The following CNKSR1 variants were observed in gnomAD, a reference collection of about 807,000 sequenced individuals.
CNKSR1 encodes CNK homolog protein 1.
A neutral mutation model predicts 95.6 loss-of-function variants in CNKSR1; 88 were observed. The ratio of observed to expected loss-of-function variants is 0.92; its 90% confidence interval spans 0.78 to 1.10. CNKSR1 has a LOEUF of 1.10. Among genes scored for constraint, CNKSR1 ranks in the 50% least tolerant of loss-of-function variants. CNKSR1 has a pLI of 0.00. For synonymous variants in CNKSR1, 355 were observed against 369.7 expected (o/e 0.96, Z 0.46); for missense variants, 836 against 912.0 (o/e 0.92, Z 1.07).
chr1:26,185,217 AAGTG>A (rs1236721195), intron 14 of CNKSR1, 31 bp downstream of exon 14: 1 of 1,548,378 alleles, frequency 6.5e-7, no homozygotes, highest in Non-Finnish European at 8.7e-7. Context: ...ACAGGTAGGC[AAGTG>A]AGTCACTTCC....
intron 20 of CNKSR1, 132 bp downstream of exon 20, chr1:26,189,085 C>T (rs2088817331): frequency 3.1e-6 from 4 of 1,308,302 alleles, no homozygotes; most frequent in African/African-American, 1.5e-5. Flanking sequence ...GGCTTAGCAG[C>T]TGACAGCGGG....
intron 14 of CNKSR1, among the ~76,000 whole-genome samples, chr1:26,186,462 A>C (rs1333133949): frequency 6.8e-6 from 1 of 147,420 alleles, no homozygotes; most frequent in Admixed American, 6.7e-5. Flanking sequence ...CACCATGCCT[A>C]GCTAAGTTTT....
Position 26,187,483 on chromosome 1 carries a change from G to T in CNKSR1, c.1454+1G>T. ...CTGATACCCTGACAGATCTGAGCAT[G>T]TGAGTGCCGCCTCCCTTAGCCCCTA... On this transcript the variant is annotated splice_donor_variant, in intron 16 of 20. Transcript: ENST00000361530. LOFTEE classifies it high-confidence loss of function. 1 of 1,614,064 alleles carries T rather than the reference G, an allele frequency of 6.2e-7. No individual in the cohort carries two copies. Among genetic ancestry groups the T allele is most frequent in the Non-Finnish European group, 8.5e-7 (1 of 1,179,974 alleles).
At chr1:26,186,914 C>CTTT (rs149700663) in intron 14 of CNKSR1, 70 of 397,166 alleles carry the variant, frequency 1.8e-4, no homozygotes, top group Middle Eastern at 7.6e-4. Context: ...TCAGGCTCCT[C>CTTT]TTTTTTTTTT....
intron 6 of CNKSR1, 61 bp from the exon 7 acceptor site, chr1:26,183,136 G>A: frequency 2.0e-6 from 3 of 1,523,328 alleles, no homozygotes; most frequent in Non-Finnish European, 1.8e-6. Flanking sequence ...TCTGGCGGGG[G>A]TCCTGCCTAT....
At chr1:26,180,307 C>T (rs1353872707) in intron 1 of CNKSR1, 146 bp from the exon 2 acceptor site, 3 of 975,960 alleles carry the variant, frequency 3.1e-6, no homozygotes, top group Non-Finnish European at 3.2e-6. Context: ...TCAGTGGCCT[C>T]ATCTGTGAAA....
At chr1:26,180,195 C>A (rs2088620928) in intron 1 of CNKSR1, 1 of 549,918 alleles carries the variant, frequency 1.8e-6, no homozygotes, top group South Asian at 2.0e-5. Flanking sequence ...TGGGGTGAGG[C>A]CTGATAATTT....
At chr1:26,187,517 T>C (rs773233142) in intron 16 of CNKSR1, 35 bp downstream of exon 16, 6 of 1,606,070 alleles carry the variant, frequency 3.7e-6, no homozygotes, top group Admixed American at 1.7e-5. Context: ...TACTCTCATA[T>C]GATTCCCAAA....
chr1:26,184,735 C>T, intron 13 of CNKSR1, 123 bp downstream of exon 13: 1 of 1,221,978 alleles, frequency 8.2e-7, no homozygotes, highest in Non-Finnish European at 1.2e-6. Flanking sequence ...AGCTCTGTTT[C>T]TAGGGTCAGA....
At position 26,181,990 on chromosome 1, in the gene CNKSR1, G is replaced by A. The variant is rs766654559; in HGVS notation, c.477+49G>A. On this transcript the variant is annotated intron_variant, in intron 4 of 20. Coordinates refer to ENST00000361530, the MANE Select transcript of CNKSR1 (RefSeq NM_006314.3). ...TGGCCCATGCCCTAGAGACCAAGCT[G>A]GGCTAGAGCTTTTTATAACCTGTGA... 8 of 1,523,110 alleles carry A rather than the reference G, an allele frequency of 5.3e-6. No homozygotes were observed. In the East Asian group the frequency reaches 6.8e-5, roughly 13 times the overall value. The allele number at this position is 1,523,110 out of a possible 1,614,324, so 94.3% of individuals were successfully genotyped here. A position where few individuals can be genotyped will look rare whatever the true frequency, so the allele number is the denominator to read the frequency against.
chr1:26,187,973 C>T (rs2088785324), intron 16 of CNKSR1, among the ~76,000 whole-genome samples: 1 of 151,686 alleles, frequency 6.6e-6, no homozygotes, highest in African/African-American at 2.4e-5. Flanking sequence ...TTTGCCCTAG[C>T]TGGTCTCAAA....
intron 3 of CNKSR1, 159 bp from the exon 4 acceptor site, chr1:26,181,698 C>A: frequency 1.4e-6 from 1 of 700,056 alleles, no homozygotes; most frequent in Non-Finnish European, 2.6e-6. Flanking sequence ...AAGTCCTGTG[C>A]TAATCTCTTT....
At chr1:26,186,584 C>T (rs991001864) in intron 14 of CNKSR1, among the ~76,000 whole-genome samples, 3 of 152,250 alleles carry the variant, frequency 2.0e-5, no homozygotes, top group East Asian at 3.9e-4. Context: ...GAGCAATTCT[C>T]CTACTTCAGC....
chr1:26,185,208 C>T lies in CNKSR1; in HGVS notation c.1308+22C>T, dbSNP rs1357162363. ...CCAGGTAAGACCCCATACACAAAAA[C>T]AGGTAGGCAAGTGAGTCACTTCCAG... On this transcript the variant is annotated intron_variant, in intron 14 of 20. Transcript: ENST00000361530. The T allele has an allele frequency of 5.2e-6, 8 of 1,550,112 alleles. 1 individual carries two copies. The African/African-American group carries it at 5.5e-5, about 11-fold the overall frequency.
At chr1:26,185,267 C>G in intron 14 of CNKSR1, 81 bp downstream of exon 14, 1 of 1,421,124 alleles carries the variant, frequency 7.0e-7, no homozygotes, top group Non-Finnish European at 9.7e-7. Context: ...ATCATCCACT[C>G]TTATTCCTGG....
chr1:26,184,938 G>A, intron 13 of CNKSR1, 76 bp from the exon 14 acceptor site: 2 of 1,430,294 alleles, frequency 1.4e-6, no homozygotes, highest in Non-Finnish European at 1.9e-6. Context: ...GGGGATGCTT[G>A]TGGAAGGCAG....
intron 17 of CNKSR1, 28 bp downstream of exon 17, chr1:26,188,335 G>A: frequency 1.2e-6 from 2 of 1,612,710 alleles, no homozygotes; most frequent in South Asian, 1.1e-5. Context: ...TTGAGTGGGA[G>A]GAACCCTCAC....
Position 26,184,262 on chromosome 1 carries a change from T to G in CNKSR1, c.975T>G (p.Ser325Arg). The G allele has an allele frequency of 6.2e-7, 1 of 1,613,342 alleles. No individual in the cohort carries two copies. Among genetic ancestry groups the G allele is most frequent in the African/African-American group, 1.3e-5 (1 of 74,724 alleles). The change falls in exon 11 of 21, where the codon AGT becomes AGG. Residue 325 changes from serine to arginine, a missense_variant. Ser to Arg is a moderately radical substitution (Grantham distance 110). Transcript: ENST00000361530. Reference sequence around the variant, plus strand: ...CCTTTGACCTGTCTTCAAACCCCAGTCCCGGACCCAGCCCTGCCTGGACAG... The same window carrying G: ...CCTTTGACCTGTCTTCAAACCCCAGGCCCGGACCCAGCCCTGCCTGGACAG... ...VFAFDLSSNP[S>R]PGPSPAWTDS...
In CNKSR1 at chr1:26,189,583, C is replaced by T. The variant is rs371320891; in HGVS notation, c.*35C>T. The T allele has an allele frequency of 2.1e-4, 217 of 1,050,634 alleles. No individual in the cohort carries two copies. The highest frequency in any genetic ancestry group is 5.7e-4 in the Admixed American group (34 of 59,328). The allele number at this position is 1,050,634 out of a possible 1,614,324, so 65.1% of individuals were successfully genotyped here. A position where few individuals can be genotyped will look rare whatever the true frequency, so the allele number is the denominator to read the frequency against. On this transcript the variant is annotated 3_prime_UTR_variant, in exon 21 of 21. Coordinates refer to ENST00000361530, the MANE Select transcript of CNKSR1 (RefSeq NM_006314.3). ...GCACTCTAGCTCCTGACCTTTGACCCGAGGGCCACCTCAACCCCAGCTTCT... is the reference window on the plus strand; with the variant it reads ...GCACTCTAGCTCCTGACCTTTGACCTGAGGGCCACCTCAACCCCAGCTTCT...
Sources: allele counts gnomAD v4.1 joint callset (sites outside exome capture counted in the v4.1 genomes callset), GRCh38; gene constraint gnomAD v4.1.1; transcripts MANE v1.5; gene names NCBI Gene and HGNC (gene_info 2026-07-23, HGNC 2026-07-21).